The following FAM120A variants were observed in gnomAD, a reference collection of about 807,000 sequenced individuals.
The protein encoded by FAM120A is family with sequence similarity 120 member A.
In FAM120A, 15 loss-of-function variants were observed where a neutral mutation model predicts 109.7. The observed-to-expected ratio is 0.14, with a 90% CI of 0.09 to 0.21. FAM120A has a LOEUF of 0.21. Ranked by LOEUF, FAM120A falls within the 10% of genes least tolerant of loss-of-function variation. FAM120A has a pLI of 1.00. For synonymous variants in FAM120A, 493 were observed against 572.8 expected, an observed-to-expected ratio of 0.86 and a Z score of 1.99; for missense variants, 899 against 1,439.3, an observed-to-expected ratio of 0.62 and a Z score of 6.07.
At chr9:93,481,847 C>T (rs965881730) in intron 3 of FAM120A, among the ~76,000 whole-genome samples, 1 of 152,176 alleles carries the variant, frequency 6.6e-6, no homozygotes, top group East Asian at 1.9e-4. Flanking sequence ...TCCCCCAGCC[C>T]TTTCTGACCC....
chr9:93,543,187 A>C, intron 10 of FAM120A, 35 bp from the exon 11 acceptor site: 1 of 1,606,744 alleles, frequency 6.2e-7, no homozygotes, highest in Non-Finnish European at 8.5e-7. Context: ...TGAATGATGC[A>C]TGAATGTGTC....
intron 10 of FAM120A, among the ~76,000 whole-genome samples, chr9:93,541,206 A>G (rs1165432303): frequency 1.3e-5 from 2 of 152,144 alleles, no homozygotes; most frequent in East Asian, 1.9e-4. Context: ...GTAATCTGAT[A>G]GCAACATAGC....
chr9:93,528,328 G>A (rs1861175363), intron 8 of FAM120A, among the ~76,000 whole-genome samples: 2 of 152,184 alleles, frequency 1.3e-5, no homozygotes, highest in South Asian at 4.1e-4. Context: ...ACACACCATT[G>A]TAAAGAGTAT....
chr9:93,556,708 T>C, intron 13 of FAM120A, 117 bp downstream of exon 13: 1 of 1,064,506 alleles, frequency 9.4e-7, no homozygotes, highest in South Asian at 1.5e-5. Flanking sequence ...TGTTTTAGGT[T>C]GGGCCTGGTA....
chr9:93,547,680 A>G (rs1861937676), intron 11 of FAM120A, among the ~76,000 whole-genome samples: 1 of 152,208 alleles, frequency 6.6e-6, no homozygotes, highest in Non-Finnish European at 1.5e-5. Flanking sequence ...GGAAAAGAAC[A>G]TGGAGAGAAA....
intron 1 of FAM120A, among the ~76,000 whole-genome samples, chr9:93,469,877 T>C (rs1315758860): frequency 6.6e-6 from 1 of 152,226 alleles, no homozygotes; most frequent in Non-Finnish European, 1.5e-5. Flanking sequence ...TCCAACAAAA[T>C]GTGGCGACTG....
intron 2 of FAM120A, among the ~76,000 whole-genome samples, chr9:93,471,950 C>A (rs910125702): frequency 1.3e-5 from 2 of 152,134 alleles, no homozygotes. Flanking sequence ...CTTGTTTTAA[C>A]TATGACATTA....
chr9:93,484,857 G>A (rs895181296), intron 3 of FAM120A, among the ~76,000 whole-genome samples: 6 of 152,226 alleles, frequency 3.9e-5, no homozygotes, highest in Non-Finnish European at 8.8e-5. Flanking sequence ...TTACAGGCAT[G>A]AGCCACTGCG....
chr9:93,496,026 G>C (rs565469883), intron 3 of FAM120A, among the ~76,000 whole-genome samples: 7 of 152,258 alleles, frequency 4.6e-5, no homozygotes, highest in Admixed American at 2.0e-4. Flanking sequence ...TGCTTTCTTT[G>C]CTTGTCCATA....
chr9:93,525,322 T>C (rs778462937), intron 7 of FAM120A, among the ~76,000 whole-genome samples: 4 of 152,080 alleles, frequency 2.6e-5, no homozygotes, highest in Admixed American at 6.6e-5. Context: ...GTCCCCTCCT[T>C]GCTTGGCACT....
chr9:93,554,722 C>T (rs1200347224), intron 12 of FAM120A, among the ~76,000 whole-genome samples: 3 of 152,156 alleles, frequency 2.0e-5, no homozygotes, highest in Non-Finnish European at 4.4e-5. Flanking sequence ...TGTGCTTACA[C>T]AAAGGGTGTT....
At chr9:93,493,655 A>G (rs979838141) in intron 3 of FAM120A, among the ~76,000 whole-genome samples, 1 of 152,308 alleles carries the variant, frequency 6.6e-6, no homozygotes, top group Non-Finnish European at 1.5e-5. Context: ...CCGGGACCCA[A>G]CTACAGGGGA....
intron 7 of FAM120A, among the ~76,000 whole-genome samples, chr9:93,519,768 T>G (rs759544247): frequency 2.1e-4 from 32 of 152,106 alleles, no homozygotes; most frequent in Non-Finnish European, 4.7e-4. Context: ...TGGCACTCTT[T>G]TAAAGGGTGG....
intron 17 of FAM120A, among the ~76,000 whole-genome samples, chr9:93,563,310 G>A (rs923522580): frequency 2.0e-5 from 3 of 152,226 alleles, no homozygotes; most frequent in African/African-American, 7.2e-5. Context: ...TAAAATGACT[G>A]TTTGAAGGTG....
intron 7 of FAM120A, among the ~76,000 whole-genome samples, chr9:93,521,940 C>T (rs139933636): frequency 6.6e-6 from 1 of 152,202 alleles, no homozygotes; most frequent in African/African-American, 2.4e-5. Flanking sequence ...ATTAGCTGGA[C>T]GTGGTTGTGT....
chr9:93,541,305 G>T (rs1861690849), intron 10 of FAM120A, among the ~76,000 whole-genome samples: 1 of 152,068 alleles, frequency 6.6e-6, no homozygotes, highest in Non-Finnish European at 1.5e-5. Flanking sequence ...AGGAGGGAAG[G>T]CAGGTCGGCT....
In FAM120A at chr9:93,452,809, A is replaced by C. The variant is rs1418714177; in HGVS notation, c.474+420A>C. ...TTTCCCAGCAACAGGTTCATCTTGG[A>C]AGCAGGCAGGATACAGAGTAATAGA... is the stretch of plus-strand genomic sequence containing the variant. On this transcript the variant is annotated intron_variant, in intron 1 of 17. Transcript: ENST00000277165. This position sits in a 1 kb window ranked among gnomAD's most constrained non-coding sequence, Gnocchi z 7.0. The C allele has an allele frequency of 6.3e-7, 1 of 1,583,782 alleles. No homozygotes were observed. The highest frequency in any genetic ancestry group is 1.3e-5 in the African/African-American group (1 of 74,320).
chr9:93,490,101 A>T (rs188996875), intron 3 of FAM120A, among the ~76,000 whole-genome samples: 2 of 152,234 alleles, frequency 1.3e-5, no homozygotes, highest in Non-Finnish European at 2.9e-5. Flanking sequence ...TTTCTAGCAC[A>T]GGCCTCATCC....
chr9:93,467,231 G>A (rs1318940006), intron 1 of FAM120A, among the ~76,000 whole-genome samples: 1 of 131,446 alleles, frequency 7.6e-6, no homozygotes, highest in African/African-American at 2.8e-5. Flanking sequence ...GATTTTCTTT[G>A]CCAGATCTGC....
Sources: allele counts gnomAD v4.1 joint callset (sites outside exome capture counted in the v4.1 genomes callset), GRCh38; gene constraint gnomAD v4.1.1; non-coding constraint Gnocchi (gnomAD v3.1); transcripts MANE v1.5; gene names NCBI Gene and HGNC (gene_info 2026-07-23, HGNC 2026-07-21).